The following NLRC5 variants were observed in gnomAD, a reference collection of about 807,000 sequenced individuals.
NLRC5 encodes the protein NLR family CARD domain containing 5.
NLRC5 carries 114 observed loss-of-function variants against 206.9 expected under a neutral mutation model. That is an observed-to-expected ratio of 0.55 (90% CI 0.47 to 0.64). The LOEUF (loss-of-function observed/expected upper bound fraction) is 0.64, where lower values mean the gene tolerates loss of function less well. Ranked by LOEUF, NLRC5 falls within the 30% of genes least tolerant of loss-of-function variation. NLRC5 has a pLI of 0.00. For synonymous variants in NLRC5, 952 were observed against 962.8 expected (o/e 0.99, Z 0.21); for missense variants, 2,008 against 2,305.5 (o/e 0.87, Z 2.64).
At chr16:57,077,645 C>A in intron 41 of NLRC5, 74 bp from the exon 42 acceptor site, 1 of 1,435,686 alleles carries the variant, frequency 7.0e-7, no homozygotes, top group Non-Finnish European at 9.4e-7. Context: ...GCAGGGGTGG[C>A]AGACCCAGCA....
intron 46 of NLRC5, among the ~76,000 whole-genome samples, chr16:57,080,238 TA>T (rs1300333108): frequency 1.3e-5 from 2 of 152,162 alleles, no homozygotes; most frequent in African/African-American, 4.8e-5. Flanking sequence ...CTAAAGGTCT[TA>T]ACCCTTCTCA....
intron 27 of NLRC5, among the ~76,000 whole-genome samples, 196 bp downstream of exon 27, chr16:57,055,715 C>T (rs1032776373): frequency 6.6e-6 from 1 of 152,220 alleles, no homozygotes; most frequent in African/African-American, 2.4e-5. Flanking sequence ...CCCCCACTCT[C>T]GCCATGGTGG....
intron 1 of NLRC5, among the ~76,000 whole-genome samples, chr16:56,996,374 C>T (rs1166586250): frequency 3.3e-5 from 5 of 152,066 alleles, no homozygotes; most frequent in East Asian, 1.9e-4. Context: ...TTGATAGAGA[C>T]GAGGTCTCAT....
chr16:57,071,378 A>G (rs2067733380), intron 38 of NLRC5, among the ~76,000 whole-genome samples: 2 of 110,862 alleles, frequency 1.8e-5, no homozygotes, highest in African/African-American at 3.6e-5. Flanking sequence ...GGGGTGAGTG[A>G]GTGGTGTTGG....
At position 57,026,073 on chromosome 16, in the gene NLRC5, A is replaced by G. The variant is rs759550372; in HGVS notation, c.1130A>G (p.Asn377Ser). The stretch of plus-strand genomic sequence containing the variant: ...GGGCCACGGGTGGAAGAATATGTGA[A>G]TCACTTCTTCAGCGCCCAGCCATCG... ...FDGPRVEEYV[N>S]HFFSAQPSRE... Residue 377 changes from asparagine (N) to serine (S), a missense_variant, in exon 6 of 49, where the codon AAT becomes AGT. By Grantham distance (46) the Asn-to-Ser change is conservative. Coordinates refer to ENST00000688547, the MANE Select transcript of NLRC5 (RefSeq NM_001384950.1). 1 of 1,614,128 alleles carries G rather than the reference A, an allele frequency of 6.2e-7. No homozygotes were observed. The highest frequency in any genetic ancestry group is 8.5e-7 in the Non-Finnish European group (1 of 1,180,036).
chr16:57,037,116 C>A, intron 14 of NLRC5, 79 bp from the exon 15 acceptor site: 2 of 1,180,994 alleles, frequency 1.7e-6, no homozygotes, highest in Non-Finnish European at 2.5e-6. Flanking sequence ...AGCTGCTGAG[C>A]CACAGGGAGG....
rs1026705181 is a variant in NLRC5, at chr16:57,066,702, C to T, written c.4322+88C>T. The T allele has an allele frequency of 9.1e-6, 11 of 1,215,214 alleles. No individual in the cohort carries two copies. In the East Asian group the frequency reaches 1.2e-4, roughly 13 times the overall value. The allele number at this position is 1,215,214 out of a possible 1,614,324, so 75.3% of individuals were successfully genotyped here. A position where few individuals can be genotyped will look rare whatever the true frequency, so the allele number is the denominator to read the frequency against. On this transcript the variant is annotated intron_variant, in intron 34 of 48. Transcript: ENST00000688547. ...TCTGACCAATATTCACCACCCTGCC[C>T]AGAGACCTTAGGGGTTCGAAGTCTT...
intron 1 of NLRC5, among the ~76,000 whole-genome samples, chr16:57,014,910 C>T (rs1597155095): frequency 7.4e-6 from 1 of 135,668 alleles, no homozygotes; most frequent in African/African-American, 2.7e-5. Flanking sequence ...AAGCGCTCTC[C>T]AGCCTCTTCC....
intron 13 of NLRC5, 44 bp downstream of exon 13, chr16:57,034,295 G>A: frequency 8.1e-7 from 1 of 1,231,326 alleles, no homozygotes; most frequent in East Asian, 3.0e-5. Flanking sequence ...AGGAAAGGAG[G>A]TTGGAGAGGG....
intron 1 of NLRC5, among the ~76,000 whole-genome samples, chr16:57,010,183 A>G (rs2059345955): frequency 6.6e-6 from 1 of 152,186 alleles, no homozygotes; most frequent in South Asian, 2.1e-4. Context: ...CACATGAGGC[A>G]TCCAGGTGGA....
chr16:57,037,324 C>G (rs55857123), intron 15 of NLRC5, 40 bp downstream of exon 15: 5 of 1,542,260 alleles, frequency 3.2e-6, no homozygotes, highest in African/African-American at 1.4e-5. Context: ...TCCCCCCCCC[C>G]ATCATGCTCT....
intron 11 of NLRC5, 31 bp from the exon 12 acceptor site, chr16:57,033,573 C>A: frequency 1.2e-6 from 2 of 1,612,030 alleles, no homozygotes; most frequent in East Asian, 2.2e-5. Flanking sequence ...GATGCCTGAG[C>A]CCAGGCCAAT....
At chr16:57,006,299 T>C (rs367621014) in intron 1 of NLRC5, among the ~76,000 whole-genome samples, 3 of 152,106 alleles carry the variant, frequency 2.0e-5, no homozygotes, top group Admixed American at 6.6e-5. Context: ...ATATTTATTT[T>C]TTCTTTACAC....
At chr16:57,020,653 C>G in intron 2 of NLRC5, 48 bp from the exon 3 acceptor site, 1 of 1,430,238 alleles carries the variant, frequency 7.0e-7, no homozygotes, top group African/African-American at 1.6e-5. Context: ...TCATCTGCCC[C>G]CAGTTTACCT....
chr16:57,041,272 G>A (rs2063250627), intron 17 of NLRC5: 1 of 539,178 alleles, frequency 1.9e-6, no homozygotes, highest in Non-Finnish European at 3.3e-6. Flanking sequence ...CCTTCCATCT[G>A]TGTCTCTGCC....
At chr16:57,057,696 C>T (rs1056030696) in intron 27 of NLRC5, among the ~76,000 whole-genome samples, 1 of 152,068 alleles carries the variant, frequency 6.6e-6, no homozygotes, top group Non-Finnish European at 1.5e-5. Flanking sequence ...AGTGGTCACC[C>T]GATATGGAAG....
At chr16:57,063,421 C>CT (rs2066758739) in intron 32 of NLRC5, among the ~76,000 whole-genome samples, 1 of 152,036 alleles carries the variant, frequency 6.6e-6, no homozygotes, top group Non-Finnish European at 1.5e-5. Flanking sequence ...CAGCCCTTTC[C>CT]TTTTTTAAGG....
At chr16:57,003,541 T>G (rs2058548507) in intron 1 of NLRC5, among the ~76,000 whole-genome samples, 2 of 152,006 alleles carry the variant, frequency 1.3e-5, no homozygotes, top group Admixed American at 1.3e-4. Context: ...CGGGGTCGCC[T>G]TTGCCTGGTG....
intron 1 of NLRC5, among the ~76,000 whole-genome samples, chr16:57,009,065 G>T (rs2059213249): frequency 1.3e-5 from 2 of 152,114 alleles, no homozygotes; most frequent in African/African-American, 2.4e-5. Context: ...GGCCGAGGTG[G>T]GTGGATCATG....
Sources: gnomAD v4.1 joint callset for allele counts (sites outside exome capture counted in the v4.1 genomes callset) on GRCh38, gnomAD v4.1.1 for gene constraint, MANE v1.5 for transcripts, NCBI Gene and HGNC (gene_info 2026-07-23, HGNC 2026-07-21) for gene names.